The following KCNB2 variants were observed in gnomAD, a reference collection of about 807,000 sequenced individuals.
KCNB2 encodes the protein potassium voltage-gated channel subfamily B member 2.
KCNB2 carries 15 observed loss-of-function variants against 61.5 expected under a neutral mutation model. The ratio of observed to expected loss-of-function variants is 0.24; its 90% CI spans 0.16 to 0.38. The LOEUF (loss-of-function observed/expected upper bound fraction) is 0.38, where lower values mean the gene tolerates loss of function less well. KCNB2 is among the 10% of genes least tolerant of loss of function. The probability of loss-of-function intolerance (pLI) is 1.00; values close to 1 mark genes in which losing one functional copy is unlikely to be tolerated. For missense variants in KCNB2, 828 were observed against 1,125.2 expected, an observed-to-expected ratio of 0.74 and a Z score of 3.78; for synonymous variants, 457 against 446.0, an observed-to-expected ratio of 1.02 and a Z score of -0.31.
At chr8:72,701,910 A>G (rs1241398823) in intron 2 of KCNB2, among the ~76,000 whole-genome samples, 1 of 152,248 alleles carries the variant, frequency 6.6e-6, no homozygotes, top group Non-Finnish European at 1.5e-5. Context: ...GATATGTAAT[A>G]TTGTACATTT....
chr8:72,725,520 T>TAC (rs1182896047), intron 2 of KCNB2, among the ~76,000 whole-genome samples: 2 of 53,606 alleles, frequency 3.7e-5, no homozygotes, highest in Admixed American at 1.7e-4. Context: ...CATATATATA[T>TAC]ATATATATAT....
chr8:72,642,430 A>G (rs1806070459), intron 2 of KCNB2, among the ~76,000 whole-genome samples: 1 of 152,026 alleles, frequency 6.6e-6, no homozygotes, highest in South Asian at 2.1e-4. Flanking sequence ...AGATGGTGCA[A>G]CTCATCCATC....
At chr8:72,665,427 CCTGCTGCTTGTCCCTCCT>C (rs1434558722) in intron 2 of KCNB2, among the ~76,000 whole-genome samples, 1 of 152,084 alleles carries the variant, frequency 6.6e-6, no homozygotes, top group Non-Finnish European at 1.5e-5. Context: ...CTGTCACAGA[CCTGCTGCTTGTCCCTCCT>C]ATCCCCATTT....
intron 2 of KCNB2, among the ~76,000 whole-genome samples, chr8:72,800,582 G>A (rs1809108949): frequency 6.6e-6 from 1 of 151,916 alleles, no homozygotes; most frequent in Admixed American, 6.6e-5. Context: ...CTCCATATTT[G>A]AAAAAATATG....
chr8:72,685,570 C>G (rs1192484014), intron 2 of KCNB2, among the ~76,000 whole-genome samples: 1 of 152,008 alleles, frequency 6.6e-6, no homozygotes, highest in East Asian at 1.9e-4. Flanking sequence ...GAGTAACAAG[C>G]CTACCTAACT....
chr8:72,929,533 G>A (rs1332557516), intron 2 of KCNB2, among the ~76,000 whole-genome samples: 1 of 152,202 alleles, frequency 6.6e-6, no homozygotes, highest in African/African-American at 2.4e-5. Context: ...TCTTTTGAAT[G>A]TTTTACTCAT....
chr8:72,665,794 A>C (rs1438624331), intron 2 of KCNB2, among the ~76,000 whole-genome samples: 2 of 142,558 alleles, frequency 1.4e-5, no homozygotes, highest in African/African-American at 2.5e-5. Context: ...ATTATGTTCT[A>C]TTCAACTGAA....
intron 2 of KCNB2, among the ~76,000 whole-genome samples, chr8:72,745,831 C>A (rs1184849757): frequency 6.6e-6 from 1 of 152,066 alleles, no homozygotes; most frequent in African/African-American, 2.4e-5. Flanking sequence ...ATAGCCAGTC[C>A]CCTCCCTTCC....
chr8:72,643,579 G>C (rs1806086847), intron 2 of KCNB2, among the ~76,000 whole-genome samples: 1 of 152,222 alleles, frequency 6.6e-6, no homozygotes, highest in South Asian at 2.1e-4. Context: ...CTTGCCTTTT[G>C]ATGAGAATGC....
At position 72,851,826 on chromosome 8, in the gene KCNB2, G is replaced by GAAAAAAAAAAAA. The variant is rs55696554; in HGVS notation, c.580-84098_580-84087dup. Among the ~76,000 whole-genome samples the GAAAAAAAAAAAA allele has an allele frequency of 2.7e-3, 120 of 43,838 alleles. 11 individuals carry two copies. Among genetic ancestry groups the GAAAAAAAAAAAA allele is most frequent in the African/African-American group, 5.8e-3 (62 of 10,716 alleles). The allele number at this position is 43,838 out of a possible 152,430, so 28.8% of individuals were successfully genotyped here. A position where few individuals can be genotyped will look rare whatever the true frequency, so the allele number is the denominator to read the frequency against. On this transcript the variant is annotated intron_variant, in intron 2 of 2. Coordinates refer to ENST00000523207, the MANE Select transcript of KCNB2 (RefSeq NM_004770.3). Reference sequence around the variant, plus strand: ...TTTTTTTTTAATGTAGAAGCTGTAGGAAAAAAAAAAAAAAAAAAAAAACAC... The same window carrying GAAAAAAAAAAAA: ...TTTTTTTTTAATGTAGAAGCTGTAGGAAAAAAAAAAAAAAAAAAAAAAAAAAAAAAAAAACAC...
intron 2 of KCNB2, among the ~76,000 whole-genome samples, chr8:72,772,709 C>A (rs1189340607): frequency 6.6e-6 from 1 of 152,130 alleles, no homozygotes; most frequent in Admixed American, 6.5e-5. Flanking sequence ...TTCCCTGAAA[C>A]AGTTATATAC....
intron 2 of KCNB2, among the ~76,000 whole-genome samples, chr8:72,843,358 A>G (rs565657668): frequency 7.6e-4 from 116 of 152,234 alleles, no homozygotes; most frequent in African/African-American, 2.7e-3. Flanking sequence ...ACTTCCAACT[A>G]TGTGGTCAAT....
intron 2 of KCNB2, among the ~76,000 whole-genome samples, chr8:72,756,944 C>T (rs1397517498): frequency 1.3e-5 from 2 of 152,108 alleles, no homozygotes; most frequent in Non-Finnish European, 2.9e-5. Flanking sequence ...TTGGATGTCA[C>T]ATAATTCTGG....
At chr8:72,633,063 A>T (rs1467990494) in intron 2 of KCNB2, among the ~76,000 whole-genome samples, 1 of 152,184 alleles carries the variant, frequency 6.6e-6, no homozygotes, top group African/African-American at 2.4e-5. Context: ...CAGGTCTCAC[A>T]AACTGAAGTC....
At chr8:72,827,453 A>T (rs1809614140) in intron 2 of KCNB2, among the ~76,000 whole-genome samples, 1 of 152,198 alleles carries the variant, frequency 6.6e-6, no homozygotes, top group Admixed American at 6.5e-5. Flanking sequence ...AAAAAAACTG[A>T]ACAATAAAGG....
chr8:72,718,208 T>G (rs1054965847), intron 2 of KCNB2, among the ~76,000 whole-genome samples: 7 of 152,100 alleles, frequency 4.6e-5, no homozygotes, highest in African/African-American at 1.7e-4. Flanking sequence ...ACTTTTACAC[T>G]GTTGGTGGGA....
intron 2 of KCNB2, among the ~76,000 whole-genome samples, chr8:72,662,903 C>T (rs1022872791): frequency 6.6e-6 from 1 of 152,134 alleles, no homozygotes; most frequent in African/African-American, 2.4e-5. Flanking sequence ...TTTTCAGACT[C>T]TTTTTGAATA....
At chr8:72,619,763 A>G (rs767203862) in intron 2 of KCNB2, among the ~76,000 whole-genome samples, 1 of 152,210 alleles carries the variant, frequency 6.6e-6, no homozygotes, top group Non-Finnish European at 1.5e-5. Flanking sequence ...GTGTACAGAC[A>G]TGGTCAGTTA....
intron 2 of KCNB2, among the ~76,000 whole-genome samples, chr8:72,604,439 G>A (rs1476470080): frequency 6.6e-6 from 1 of 152,176 alleles, no homozygotes; most frequent in African/African-American, 2.4e-5. Flanking sequence ...TGGCATTTAA[G>A]AGCCACCATG....
Sources: gnomAD v4.1 joint callset for allele counts (sites outside exome capture counted in the v4.1 genomes callset) on GRCh38, gnomAD v4.1.1 for gene constraint, MANE v1.5 for transcripts, NCBI Gene and HGNC (gene_info 2026-07-23, HGNC 2026-07-21) for gene names.